The following EPB41 variants were observed in gnomAD, a reference collection of about 807,000 sequenced individuals.
EPB41 encodes protein 4.1.
Under a neutral mutation model 108.0 loss-of-function variants are expected in EPB41, and 65 were observed. That is an observed-to-expected ratio of 0.60 (90% confidence interval 0.49 to 0.74). The LOEUF is 0.74. Among genes scored for constraint, EPB41 ranks in the 30% least tolerant of loss-of-function variants. EPB41 has a pLI of 0.00. For missense variants in EPB41, 875 were observed against 1,037.0 expected, an observed-to-expected ratio of 0.84 and a Z score of 2.15; for synonymous variants, 336 against 358.9, an observed-to-expected ratio of 0.94 and a Z score of 0.72.
chr1:29,038,253 C>T (rs965951295), intron 10 of EPB41, among the ~76,000 whole-genome samples: 5 of 152,170 alleles, frequency 3.3e-5, no homozygotes, highest in African/African-American at 9.7e-5. Flanking sequence ...TTTATTTATG[C>T]TTTCATCATC....
intron 1 of EPB41, among the ~76,000 whole-genome samples, chr1:28,956,002 T>C (rs2094935983): frequency 6.6e-6 from 1 of 152,236 alleles, no homozygotes; most frequent in African/African-American, 2.4e-5. Context: ...TTTAGGACCA[T>C]ATGCATAATT....
chr1:29,027,085 C>G (rs1198042724), intron 7 of EPB41, among the ~76,000 whole-genome samples: 1 of 149,106 alleles, frequency 6.7e-6, no homozygotes, highest in African/African-American at 2.5e-5. Context: ...GAGTGGGACT[C>G]CATCTCAAAA....
intron 16 of EPB41, among the ~76,000 whole-genome samples, chr1:29,082,958 T>A (rs1657334998): frequency 6.6e-6 from 1 of 152,226 alleles, no homozygotes. Context: ...TGTGAGAGGC[T>A]GCATTGTGGA....
chr1:29,034,308 A>G (rs1159062940), intron 9 of EPB41, among the ~76,000 whole-genome samples: 1 of 152,176 alleles, frequency 6.6e-6, no homozygotes, highest in Non-Finnish European at 1.5e-5. Context: ...TCCCTCACAC[A>G]CGTTAATATG....
chr1:28,950,360 A>G (rs2094667012), intron 1 of EPB41, among the ~76,000 whole-genome samples: 1 of 152,258 alleles, frequency 6.6e-6, no homozygotes, highest in African/African-American at 2.4e-5. Context: ...GTTTAACTTT[A>G]GGACCAGACT....
At chr1:28,923,527 A>G (rs1484863016) in intron 1 of EPB41, among the ~76,000 whole-genome samples, 2 of 152,194 alleles carry the variant, frequency 1.3e-5, no homozygotes, top group East Asian at 3.8e-4. Flanking sequence ...CCTAAAGATG[A>G]TGCCTATAAT....
chr1:29,106,818 G>C (rs1558325226), intron 17 of EPB41, among the ~76,000 whole-genome samples: 1 of 151,038 alleles, frequency 6.6e-6, no homozygotes, highest in Non-Finnish European at 1.5e-5. Flanking sequence ...TGATCCGCCT[G>C]CCTTGGCCTC....
rs1476502679 is a variant in EPB41, at chr1:29,118,248, C to G, written c.*1436C>G. The G allele has an allele frequency of 1.3e-5, 2 of 152,172 alleles. No individual in the cohort carries two copies. Among genetic ancestry groups the G allele is most frequent in the Non-Finnish European group, 2.9e-5 (2 of 68,084 alleles). The allele number at this position is 152,172 out of a possible 1,614,324, so 9.4% of individuals were successfully genotyped here. A position where few individuals can be genotyped will look rare whatever the true frequency, so the allele number is the denominator to read the frequency against. On this transcript the variant is annotated 3_prime_UTR_variant, in exon 21 of 21. Transcript: ENST00000343067. ...TCAGCCTCCCAAGTAGCTGGGATGA[C>G]AGGCGCACACCACCACGCCCAGCAA...
chr1:29,016,378 G>T (rs1454115149), intron 6 of EPB41, among the ~76,000 whole-genome samples: 1 of 149,212 alleles, frequency 6.7e-6, no homozygotes, highest in African/African-American at 2.5e-5. Flanking sequence ...TAGTAGAGGC[G>T]GGTTTTCGCC....
At chr1:28,947,711 A>G (rs762327671) in intron 1 of EPB41, among the ~76,000 whole-genome samples, 17 of 151,410 alleles carry the variant, frequency 1.1e-4, no homozygotes, top group Non-Finnish European at 2.1e-4. Flanking sequence ...TGTAATCTCA[A>G]CTACTCGGGA....
intron 10 of EPB41, among the ~76,000 whole-genome samples, chr1:29,037,858 CTTTA>C (rs1374488661): frequency 2.1e-5 from 3 of 143,632 alleles, no homozygotes; most frequent in Non-Finnish European, 4.8e-5. Context: ...AAGAACGTTT[CTTTA>C]TTATGGAAAA....
At chr1:28,947,731 A>G (rs780989470) in intron 1 of EPB41, among the ~76,000 whole-genome samples, 135 of 152,166 alleles carry the variant, frequency 8.9e-4, no homozygotes, top group Non-Finnish European at 1.4e-3. Context: ...AGGCTGAGGC[A>G]TGAGAATCAC....
intron 1 of EPB41, among the ~76,000 whole-genome samples, chr1:28,918,176 T>C (rs1430103623): frequency 6.6e-6 from 1 of 152,126 alleles, no homozygotes; most frequent in Non-Finnish European, 1.5e-5. Context: ...CTCAGCCTCC[T>C]GAGTAGCTGG....
At chr1:28,921,938 T>TTATATATATATATATA (rs66808636) in intron 1 of EPB41, among the ~76,000 whole-genome samples, 2,400 of 102,140 alleles carry the variant, frequency 0.023, 55 homozygotes, top group East Asian at 0.067. Context: ...TTATGAAATT[T>TTATATATATATATATA]TATATATATA....
intron 19 of EPB41, among the ~76,000 whole-genome samples, chr1:29,114,808 TAATAAC>T (rs961637131): frequency 2.6e-5 from 4 of 152,156 alleles, no homozygotes; most frequent in Admixed American, 2.6e-4. Flanking sequence ...GTTATTATCT[TAATAAC>T]AATATAGTTA....
rs564363313 is a variant in EPB41 at position 29,033,054 on chromosome 1, T to C, written c.1213-39T>C. On this transcript the variant is annotated intron_variant, in intron 8 of 20. Coordinates refer to ENST00000343067, the MANE Select transcript of EPB41 (RefSeq NM_001376013.1). ...TAATAGTCAACAGTGTATTGAGTAC[T>C]TTGCTCCAGACTGAAATCCTAACAT... The C allele has an allele frequency of 1.9e-6, 3 of 1,606,158 alleles. No individual in the cohort carries two copies. In the South Asian group the frequency reaches 3.3e-5, roughly 18 times the overall value.
intron 16 of EPB41, among the ~76,000 whole-genome samples, chr1:29,087,727 G>C (rs185413217): frequency 1.3e-5 from 2 of 152,228 alleles, no homozygotes; most frequent in East Asian, 3.9e-4. Flanking sequence ...AACTCATAAA[G>C]GCATATATAT....
chr1:28,980,715 A>G (rs2095717500), intron 1 of EPB41, among the ~76,000 whole-genome samples: 1 of 152,026 alleles, frequency 6.6e-6, no homozygotes, highest in South Asian at 2.1e-4. Context: ...ACCTGTCTCA[A>G]AAAAAGTGCA....
At chr1:29,068,002 G>A (rs927301681) in intron 16 of EPB41, among the ~76,000 whole-genome samples, 1 of 152,184 alleles carries the variant, frequency 6.6e-6, no homozygotes, top group Non-Finnish European at 1.5e-5. Flanking sequence ...TGATGTATCT[G>A]TAGTAACAAG....
Sources: gnomAD v4.1 joint callset for allele counts (sites outside exome capture counted in the v4.1 genomes callset) on GRCh38, gnomAD v4.1.1 for gene constraint, MANE v1.5 for transcripts, NCBI Gene and HGNC (gene_info 2026-07-23, HGNC 2026-07-21) for gene names.